Variants in ATAD3B observed in about 807,000 individuals in gnomAD.
ATAD3B encodes the protein ATPase family AAA domain-containing protein 3B.
Under a neutral mutation model 70.2 loss-of-function variants are expected in ATAD3B, and 59 were observed. The ratio of observed to expected loss-of-function variants is 0.84; its 90% CI spans 0.68 to 1.04. The LOEUF (loss-of-function observed/expected upper bound fraction) is 1.04. Ranked by LOEUF, ATAD3B falls within the 50% of genes least tolerant of loss-of-function variation. ATAD3B has a pLI of 0.00. For synonymous variants in ATAD3B, 423 were observed against 388.6 expected, an observed-to-expected ratio of 1.09 and a Z score of -1.04; for missense variants, 961 against 913.4, an observed-to-expected ratio of 1.05 and a Z score of -0.67.
At chr1:1,475,365 C>G (rs1394617647) in intron 1 of ATAD3B, among the ~76,000 whole-genome samples, 1 of 151,578 alleles carries the variant, frequency 6.6e-6, no homozygotes, top group African/African-American at 2.4e-5. Context: ...CCCGGGTGCC[C>G]CCTGCCCTGC....
At chr1:1,489,355 T>G in intron 13 of ATAD3B, 81 bp downstream of exon 13, 1 of 1,600,580 alleles carries the variant, frequency 6.2e-7, no homozygotes, top group East Asian at 2.2e-5. Context: ...GGTCCCTGGC[T>G]CACAGTGCTG....
chr1:1,483,371 G>T, intron 7 of ATAD3B: 1 of 259,828 alleles, frequency 3.8e-6, no homozygotes, highest in Admixed American at 5.3e-5. Context: ...GGAGGCTGAG[G>T]TAGGAAAATT....
Position 1,490,565 on chromosome 1 carries a change from G to A in ATAD3B, c.1508G>A (p.Arg503His), listed in dbSNP as rs1281098355. 26 of 1,610,874 alleles carry A rather than the reference G, an allele frequency of 1.6e-5. No homozygotes were observed. The highest frequency in any genetic ancestry group is 6.7e-5 in the African/African-American group (5 of 75,016). ...VLKPATEGKR[R>H]LKLAQFDYGR... ...TCACTTGGGAACTCCTTCCCCAGGC[G>A]CCTGAAGCTGGCCCAGTTTGACTAC... is the stretch of plus-strand genomic sequence containing the variant. The change falls in exon 15 of 16, where the codon CGC becomes CAC. Residue 503 changes from arginine to histidine, a missense_variant and splice_region_variant. By Grantham distance (29) the Arg-to-His change is conservative. This residue lies in a region of ATAD3B where 417 missense variants were observed against 335.0 expected (regional missense o/e 1.24). Transcript: ENST00000673477.
chr1:1,483,340 G>C, intron 7 of ATAD3B: 1 of 256,208 alleles, frequency 3.9e-6, no homozygotes, highest in East Asian at 1.5e-4. Context: ...GGTGGCGTGC[G>C]CCTGGAATCC....
At chr1:1,487,501 A>C (rs1289238095) in intron 11 of ATAD3B, among the ~76,000 whole-genome samples, 1 of 151,472 alleles carries the variant, frequency 6.6e-6, no homozygotes. Flanking sequence ...AAAAAAAAAA[A>C]AGACCCTGCT....
chr1:1,500,627 GTATATATAAATGTGTATA>G (rs1158792085), downstream of ATAD3B, among the ~76,000 whole-genome samples: 2 of 150,302 alleles, frequency 1.3e-5, no homozygotes, highest in African/African-American at 4.9e-5. Flanking sequence ...ATGTATAAAT[GTATATATAAATGTGTATA>G]TATATATAAA....
rs541977955 is a variant in ATAD3B at position 1,486,545 on chromosome 1, A to C, written c.1091A>C (p.Lys364Thr). Residue 364 changes from lysine (K) to threonine (T), a missense_variant and splice_region_variant, in exon 11 of 16, where the codon AAA becomes ACA. This residue lies in a region of ATAD3B where 349 missense variants were observed against 307.5 expected (regional missense o/e 1.14). Coordinates refer to ENST00000673477, the MANE Select transcript of ATAD3B (RefSeq NM_031921.6). ...TCTCCCCTCACTCTTCTTGTCCAGA[A>C]ACTCGCCCTGCACTCAGGCATGGAC... ...PGTGKTLFAKKLALHSGMDYA... is the reference protein window; with the variant it reads ...PGTGKTLFAKTLALHSGMDYA... The C allele has an allele frequency of 1.6e-5, 25 of 1,611,696 alleles. No homozygotes were observed. Among genetic ancestry groups the C allele is most frequent in the Non-Finnish European group, 2.0e-5 (23 of 1,179,422 alleles).
At chr1:1,473,426 G>A (rs986150528) in intron 1 of ATAD3B, among the ~76,000 whole-genome samples, 1 of 150,280 alleles carries the variant, frequency 6.7e-6, no homozygotes, top group Non-Finnish European at 1.5e-5. Flanking sequence ...GGGTGGTCTC[G>A]ATCTCCTGAC....
rs1321498379 is a variant in ATAD3B at position 1,482,861 on chromosome 1, G to T, written c.750+247G>T. ...TCTACGAAGAATAAAACATTAGCTG[G>T]GTGTGATGGTGGCGCCTGTGGTCCT... On this transcript the variant is annotated intron_variant, in intron 7 of 15. Transcript: ENST00000673477. 6.6e-6 allele frequency: 4 copies of T among 607,566 alleles called. No homozygotes were observed. The East Asian group carries it at 9.4e-5, about 14-fold the overall frequency. 37.6% of individuals were successfully genotyped at this position (607,566 alleles called of 1,614,324 possible). A position where few individuals can be genotyped will look rare whatever the true frequency, so the allele number is the denominator to read the frequency against.
chr1:1,499,759 T>C (rs1386442207), downstream of ATAD3B, among the ~76,000 whole-genome samples: 1 of 150,696 alleles, frequency 6.6e-6, no homozygotes, highest in Non-Finnish European at 1.5e-5. Flanking sequence ...CAAGCCCGGC[T>C]AATTTTGTAT....
chr1:1,498,147 T>A (rs1417758401), downstream of ATAD3B, among the ~76,000 whole-genome samples: 1 of 148,168 alleles, frequency 6.7e-6, no homozygotes, highest in Non-Finnish European at 1.5e-5. Context: ...CTATTAAAAA[T>A]ACGAAAGTTA....
chr1:1,477,714 T>A (rs1639666304), intron 2 of ATAD3B, among the ~76,000 whole-genome samples: 1 of 149,376 alleles, frequency 6.7e-6, no homozygotes, highest in African/African-American at 2.5e-5. Context: ...TTTATTTTAT[T>A]TTATTTATTT....
the ATAD3B span, among the ~76,000 whole-genome samples, chr1:1,503,966 T>A: frequency 6.6e-6 from 1 of 152,120 alleles, no homozygotes; most frequent in Non-Finnish European, 1.5e-5. Flanking sequence ...TGCATTGCAT[T>A]GCATTGCATT....
At chr1:1,489,850 C>G in intron 13 of ATAD3B, 2 of 1,224,552 alleles carry the variant, frequency 1.6e-6, no homozygotes, top group African/African-American at 1.6e-5. Context: ...CCTGCTGAGC[C>G]TCTGCTGAAC....
intron 2 of ATAD3B, 80 bp downstream of exon 2, chr1:1,477,430 G>C: frequency 6.2e-7 from 1 of 1,600,462 alleles, no homozygotes; most frequent in Non-Finnish European, 8.5e-7. Flanking sequence ...TGCTACTGGT[G>C]GGTAGGGCCA....
chr1:1,503,708 T>C, the ATAD3B span: 1 of 1,603,620 alleles, frequency 6.2e-7, no homozygotes, highest in Non-Finnish European at 8.5e-7. Context: ...CACATGGGGT[T>C]CGGGCATGGA....
intron 13 of ATAD3B, 51 bp from the exon 14 acceptor site, chr1:1,490,206 G>A (rs556727507): frequency 6.3e-7 from 1 of 1,593,518 alleles, no homozygotes; most frequent in East Asian, 2.2e-5. Context: ...TTGCCCTCGG[G>A]GCATCTCAGC....
rs1443677385 is a variant in ATAD3B at position 1,490,247 on chromosome 1, T to C, written c.1338-10T>C. ...GCCCCAGCGTTTCCTTCCCCATCCC[T>C]GTCCTACAGATTCATGCTGGTCCTG... On this transcript the variant is annotated splice_polypyrimidine_tract_variant and intron_variant, in intron 13 of 15. Transcript: ENST00000673477. The C allele has an allele frequency of 2.5e-6, 4 of 1,610,286 alleles. No homozygotes were observed. Among genetic ancestry groups the C allele is most frequent in the Non-Finnish European group, 3.4e-6 (4 of 1,177,608 alleles).
the ATAD3B span, among the ~76,000 whole-genome samples, chr1:1,505,511 C>T: frequency 6.6e-6 from 1 of 152,206 alleles, no homozygotes; most frequent in East Asian, 1.9e-4. Context: ...TAAACTCCCC[C>T]GGGGAAAGGG....
Sources: allele counts gnomAD v4.1 joint callset (sites outside exome capture counted in the v4.1 genomes callset), GRCh38; gene constraint gnomAD v4.1.1; regional missense constraint gnomAD v4.1.1; transcripts MANE v1.5; gene names NCBI Gene and HGNC (gene_info 2026-07-23, HGNC 2026-07-21).